The following ZNF124 variants were observed in gnomAD, a reference collection of about 807,000 sequenced individuals.
ZNF124 encodes zinc finger protein HZF-16.
In ZNF124, 25 loss-of-function variants were observed where a neutral mutation model predicts 26.6. The observed-to-expected ratio is 0.94, with a 90% CI of 0.68 to 1.31. The LOEUF (loss-of-function observed/expected upper bound fraction) is 1.31, where lower values mean the gene tolerates loss of function less well. Ranked by LOEUF, ZNF124 falls within the 40% of genes most tolerant of loss-of-function variation. ZNF124 has a pLI of 0.00. For missense variants in ZNF124, 444 were observed against 422.2 expected (o/e 1.05, Z -0.45); for synonymous variants, 129 against 133.3 (o/e 0.97, Z 0.22).
intron 3 of ZNF124, among the ~76,000 whole-genome samples, chr1:247,125,575 G>A (rs1672196387): frequency 6.6e-6 from 1 of 151,350 alleles, no homozygotes; most frequent in Non-Finnish European, 1.5e-5. Context: ...GGGATTACAG[G>A]CGTCTGCCAT....
chr1:247,151,410 C>T (rs138076871), downstream of ZNF124, among the ~76,000 whole-genome samples: 6,377 of 147,952 alleles, frequency 0.043, 447 homozygotes, highest in African/African-American at 0.15. Context: ...ACTCGGGAGG[C>T]GGAGCTTGCA....
At chr1:247,127,856 T>C (rs1051669837) in intron 3 of ZNF124, among the ~76,000 whole-genome samples, 22 of 147,808 alleles carry the variant, frequency 1.5e-4, no homozygotes, top group East Asian at 7.7e-4. Context: ...AATGAAGCCC[T>C]TCCTTCTTTA....
intron 1 of ZNF124, among the ~76,000 whole-genome samples, chr1:247,167,715 A>T (rs758403098): frequency 6.6e-6 from 1 of 152,224 alleles, no homozygotes; most frequent in Non-Finnish European, 1.5e-5. Context: ...AAATGAACAA[A>T]TGGCACCTAA....
chr1:247,160,449 G>A (rs575370526), intron 1 of ZNF124, among the ~76,000 whole-genome samples: 12 of 152,296 alleles, frequency 7.9e-5, no homozygotes, highest in Admixed American at 7.8e-4. Flanking sequence ...GTGTGCATAA[G>A]AGAGTTAATA....
intron 1 of ZNF124, among the ~76,000 whole-genome samples, chr1:247,167,976 G>A (rs892406730): frequency 6.6e-6 from 1 of 152,168 alleles, no homozygotes; most frequent in Non-Finnish European, 1.5e-5. Context: ...TCAGGGAAAT[G>A]CAAATTAAAA....
chr1:247,133,132 C>G (rs1427098536), intron 3 of ZNF124, among the ~76,000 whole-genome samples: 1 of 151,776 alleles, frequency 6.6e-6, no homozygotes, highest in African/African-American at 2.4e-5. Flanking sequence ...CTGAATTGAC[C>G]AAGTGGAAGA....
intron 3 of ZNF124, among the ~76,000 whole-genome samples, chr1:247,136,342 G>C (rs2103102855): frequency 6.6e-6 from 1 of 152,034 alleles, no homozygotes; most frequent in South Asian, 2.1e-4. Flanking sequence ...CAAGCATTTG[G>C]TTACACCAAT....
chr1:247,146,578 T>G (rs1672784505), intron 3 of ZNF124, among the ~76,000 whole-genome samples: 1 of 152,224 alleles, frequency 6.6e-6, no homozygotes, highest in African/African-American at 2.4e-5. Flanking sequence ...CAGGCTCTTT[T>G]TGTCAAAGGC....
rs140146469 is a variant in ZNF124 at position 247,149,613 on chromosome 1, A to C, written c.218+9393T>G. 1.3e-4 allele frequency among the ~76,000 whole-genome samples: 20 copies of C among 152,360 alleles called. No homozygotes were observed. The East Asian group carries it at 3.9e-3, about 29-fold the overall frequency. On this transcript the variant is annotated intron_variant, in intron 3 of 3. Transcript: ENST00000472531. ...AGACAAATGTTATATGATCTTACTT[A>C]TAGATGGAGCTTAAAAACATTGAAC...
chr1:247,164,034 CAA>C lies in ZNF124; in HGVS notation c.31-4223_31-4222del, dbSNP rs1162132868. Among the ~76,000 whole-genome samples, 6 of 151,766 alleles carry C rather than the reference CAA, an allele frequency of 4.0e-5. No homozygotes were observed. In the East Asian group the frequency reaches 1.2e-3, roughly 29 times the overall value. On this transcript the variant is annotated intron_variant, in intron 1 of 3. Transcript: ENST00000543802. ...TTCACAACATAAACAAAACTAAAAA[CAA>C]AAAAACAACATGATCATCTCAATAG...
intron 3 of ZNF124, among the ~76,000 whole-genome samples, chr1:247,127,778 A>G (rs148025425): frequency 0.036 from 5,056 of 141,228 alleles, 59 homozygotes; most frequent in African/African-American, 0.09. Flanking sequence ...CCCTTAAAAG[A>G]GACAGGAATT....
intron 1 of ZNF124, among the ~76,000 whole-genome samples, chr1:247,165,091 C>T (rs1213829424): frequency 6.6e-6 from 1 of 152,142 alleles, no homozygotes; most frequent in Non-Finnish European, 1.5e-5. Flanking sequence ...CTCAGCCTCC[C>T]GAGTAGCTGT....
At position 247,168,747 on chromosome 1, in the gene ZNF124, A is replaced by G. The variant is rs1204983232; in HGVS notation, c.30+3101T>C. ...TGGAGGCATTATTCTAAGTGAAGTA[A>G]CTCAGGAATGGAAAACCAAATATTC... On this transcript the variant is annotated intron_variant, in intron 1 of 3. Coordinates refer to ENST00000543802, the MANE Select transcript of ZNF124 (RefSeq NM_001297568.2). This position sits in a 1 kb window ranked among gnomAD's most constrained non-coding sequence, Gnocchi z 4.0. Among the ~76,000 whole-genome samples the G allele has an allele frequency of 6.6e-6, 1 of 152,194 alleles. No individual in the cohort carries two copies. Among genetic ancestry groups the G allele is most frequent in the Non-Finnish European group, 1.5e-5 (1 of 68,036 alleles).
chr1:247,170,577 TA>T (rs1674050627), intron 1 of ZNF124, among the ~76,000 whole-genome samples: 1 of 131,000 alleles, frequency 7.6e-6, no homozygotes, highest in Non-Finnish European at 1.6e-5. Context: ...GACACCGAGT[TA>T]AAGAAGGAAG....
At chr1:247,146,171 T>C (rs1210900448) in intron 3 of ZNF124, among the ~76,000 whole-genome samples, 2 of 152,332 alleles carry the variant, frequency 1.3e-5, no homozygotes, top group East Asian at 1.9e-4. Flanking sequence ...GAACACCATG[T>C]ATTGGTAAAG....
chr1:247,136,000 A>G (rs919149642), intron 3 of ZNF124, among the ~76,000 whole-genome samples: 6 of 152,164 alleles, frequency 3.9e-5, no homozygotes, highest in Admixed American at 6.5e-5. Flanking sequence ...AAAACTCTCA[A>G]TCAACGAGGT....
chr1:247,125,408 C>G (rs1572053087), intron 3 of ZNF124, among the ~76,000 whole-genome samples: 3 of 115,686 alleles, frequency 2.6e-5, no homozygotes, highest in Non-Finnish European at 5.5e-5. Context: ...TTCTCCGTAT[C>G]TTCACCGACA....
downstream of ZNF124, among the ~76,000 whole-genome samples, chr1:247,150,904 T>C (rs908888025): frequency 6.6e-6 from 1 of 151,698 alleles, no homozygotes; most frequent in African/African-American, 2.4e-5. Context: ...TAAAATTTTA[T>C]TAAAATTAAG....
chr1:247,156,366 T>G lies in ZNF124; in HGVS notation c.*200A>C, dbSNP rs1355479495. 2 of 1,250,668 alleles carry G rather than the reference T, an allele frequency of 1.6e-6. No homozygotes were observed. Among genetic ancestry groups the G allele is most frequent in the East Asian group, 6.2e-5 (2 of 32,114 alleles). The allele number at this position is 1,250,668 out of a possible 1,614,324, so 77.5% of individuals were successfully genotyped here. On this transcript the variant is annotated 3_prime_UTR_variant, in exon 4 of 4. Coordinates refer to ENST00000543802, the MANE Select transcript of ZNF124 (RefSeq NM_001297568.2). ...TATGGATTTTCTTCAGTGAGTCCTT[T>G]CAAGTTTTCAAAAAGAAATGGAAAA...
Sources: allele counts gnomAD v4.1 joint callset (sites outside exome capture counted in the v4.1 genomes callset), GRCh38; gene constraint gnomAD v4.1.1; non-coding constraint Gnocchi (gnomAD v3.1); transcripts MANE v1.5; gene names NCBI Gene and HGNC (gene_info 2026-07-23, HGNC 2026-07-21).